The following SCHIP1 variants were observed in gnomAD, a reference collection of about 807,000 sequenced individuals.
SCHIP1 encodes the protein schwannomin interacting protein 1.
In SCHIP1, 8 loss-of-function variants were observed where a neutral mutation model predicts 29.7. The ratio of observed to expected loss-of-function variants is 0.27; its 90% CI spans 0.16 to 0.49. The LOEUF is 0.49. Ranked by LOEUF, SCHIP1 falls within the 20% of genes least tolerant of loss-of-function variation. SCHIP1 has a pLI of 0.99. For synonymous variants in SCHIP1, 76 were observed against 94.9 expected (o/e 0.80, Z 1.16); for missense variants, 193 against 294.6 (o/e 0.66, Z 2.52).
the SCHIP1 span, among the ~76,000 whole-genome samples, chr3:159,685,542 C>T: frequency 4.1e-4 from 62 of 152,294 alleles, 1 homozygote; most frequent in East Asian, 0.012. Context: ...AAATTTTTCT[C>T]ATACTTTCTT....
At chr3:159,285,143 A>G in the SCHIP1 span, among the ~76,000 whole-genome samples, 52 of 152,252 alleles carry the variant, frequency 3.4e-4, no homozygotes, top group East Asian at 9.3e-3. Context: ...GTATTTGTGT[A>G]GGGATCGTTT....
the SCHIP1 span, among the ~76,000 whole-genome samples, chr3:159,429,806 C>G: frequency 0.56 from 84,490 of 151,950 alleles, 24,704 homozygotes; most frequent in East Asian, 0.75. Context: ...GAGCCTAGAG[C>G]TCTAAATTGC....
chr3:159,772,901 C>T, the SCHIP1 span, among the ~76,000 whole-genome samples: 138 of 152,184 alleles, frequency 9.1e-4, no homozygotes, highest in East Asian at 5.8e-4. Flanking sequence ...CCACCATGCC[C>T]GGCTAATTTT....
chr3:159,383,143 T>G, the SCHIP1 span, among the ~76,000 whole-genome samples: 1 of 150,454 alleles, frequency 6.6e-6, no homozygotes, highest in Admixed American at 6.6e-5. Context: ...TGGCTTTTGT[T>G]GCCATTGCTT....
the SCHIP1 span, among the ~76,000 whole-genome samples, chr3:159,369,512 TG>T: frequency 1.5e-4 from 23 of 151,824 alleles, no homozygotes; most frequent in Admixed American, 3.9e-4. Flanking sequence ...GATCTCAATT[TG>T]GGGGGGGAAT....
At chr3:159,647,000 T>G in the SCHIP1 span, among the ~76,000 whole-genome samples, 5 of 151,824 alleles carry the variant, frequency 3.3e-5, no homozygotes, top group Admixed American at 2.6e-4. Context: ...AGATCTGGGC[T>G]AAGGATTGGA....
At chr3:159,578,751 GTCTC>G in the SCHIP1 span, among the ~76,000 whole-genome samples, 1 of 146,856 alleles carries the variant, frequency 6.8e-6, no homozygotes, top group South Asian at 2.1e-4. Flanking sequence ...GTGTCTGTCT[GTCTC>G]TCTCTCTCTC....
At chr3:159,434,731 A>G in the SCHIP1 span, among the ~76,000 whole-genome samples, 1 of 152,164 alleles carries the variant, frequency 6.6e-6, no homozygotes, top group Non-Finnish European at 1.5e-5. Flanking sequence ...AGGCTGGGAA[A>G]TTGAGTTTCT....
chr3:159,447,577 T>C, the SCHIP1 span, among the ~76,000 whole-genome samples: 1 of 152,234 alleles, frequency 6.6e-6, no homozygotes, highest in Non-Finnish European at 1.5e-5. Flanking sequence ...GCCATATGAT[T>C]GACAGGTATT....
At chr3:159,363,849 T>C in the SCHIP1 span, among the ~76,000 whole-genome samples, 3 of 152,160 alleles carry the variant, frequency 2.0e-5, no homozygotes, top group African/African-American at 4.8e-5. Context: ...TTGATAATGA[T>C]AACCAGTTCT....
At chr3:159,649,439 A>G in the SCHIP1 span, among the ~76,000 whole-genome samples, 948 of 152,320 alleles carry the variant, frequency 6.2e-3, 16 homozygotes, top group African/African-American at 0.02. Context: ...AAAATGTAAA[A>G]GCGAAGTCAA....
At chr3:159,703,746 A>C in the SCHIP1 span, among the ~76,000 whole-genome samples, 2 of 152,204 alleles carry the variant, frequency 1.3e-5, no homozygotes, top group Non-Finnish European at 2.9e-5. Flanking sequence ...GATTCAGAGA[A>C]CTTAAATTCT....
the SCHIP1 span, among the ~76,000 whole-genome samples, chr3:159,816,646 T>G: frequency 6.6e-6 from 1 of 152,170 alleles, no homozygotes; most frequent in East Asian, 1.9e-4. Flanking sequence ...TGTGTCTCAT[T>G]CTCAAACACT....
chr3:159,493,624 C>G, the SCHIP1 span, among the ~76,000 whole-genome samples: 98,402 of 148,396 alleles, frequency 0.66, 33,057 homozygotes, highest in East Asian at 0.78. Flanking sequence ...GACCTACAAA[C>G]AGACTTAGAC....
the SCHIP1 span, among the ~76,000 whole-genome samples, chr3:159,591,986 C>T: frequency 7.2e-6 from 1 of 138,796 alleles, no homozygotes; most frequent in Non-Finnish European, 1.5e-5. Flanking sequence ...AAAAGAAGAC[C>T]CTCAAAAAAA....
At chr3:159,492,149 G>GA in the SCHIP1 span, among the ~76,000 whole-genome samples, 1 of 152,074 alleles carries the variant, frequency 6.6e-6, no homozygotes, top group Non-Finnish European at 1.5e-5. Context: ...AAAGATAGGG[G>GA]AAAAAACAGA....
At chr3:159,427,510 A>T in the SCHIP1 span, among the ~76,000 whole-genome samples, 1 of 152,186 alleles carries the variant, frequency 6.6e-6, no homozygotes, top group East Asian at 1.9e-4. Context: ...GACCTCTTCA[A>T]GGAGAACTAC....
chr3:159,632,398 G>C, the SCHIP1 span, among the ~76,000 whole-genome samples: 8 of 152,278 alleles, frequency 5.3e-5, no homozygotes, highest in African/African-American at 1.9e-4. Context: ...CACTGAATAG[G>C]AGGTGGGATG....
chr3:159,887,805 A>G, exon 4 of SCHIP1: 1 of 1,614,074 alleles, frequency 6.2e-7, no homozygotes, highest in Non-Finnish European at 8.5e-7. Flanking sequence ...AAGAAATTGC[A>G]AGCTGAAGCC....
Sources: gnomAD v4.1 joint callset for allele counts (sites outside exome capture counted in the v4.1 genomes callset) on GRCh38, gnomAD v4.1.1 for gene constraint, MANE v1.5 for transcripts, NCBI Gene and HGNC (gene_info 2026-07-23, HGNC 2026-07-21) for gene names.